Variants in TMPRSS15 observed in about 807,000 individuals in gnomAD.
TMPRSS15 encodes enteropeptidase.
In TMPRSS15, 128 loss-of-function variants were observed where a neutral mutation model predicts 125.3. That is an observed-to-expected ratio of 1.02 (90% CI 0.89 to 1.18). The LOEUF (loss-of-function observed/expected upper bound fraction) is 1.18. Ranked by LOEUF, TMPRSS15 falls within the 50% of genes most tolerant of loss-of-function variation. The pLI is 0.00. For missense variants in TMPRSS15, 1,283 were observed against 1,212.7 expected (o/e 1.06, Z -0.86); for synonymous variants, 446 against 423.2 (o/e 1.05, Z -0.66).
At chr21:18,428,864 G>A (rs1449525392) in intron 1 of TMPRSS15, among the ~76,000 whole-genome samples, 1 of 152,188 alleles carries the variant, frequency 6.6e-6, no homozygotes, top group Non-Finnish European at 1.5e-5. Flanking sequence ...TAGTGGAGCT[G>A]TGAGAAGAGA....
intron 1 of TMPRSS15, among the ~76,000 whole-genome samples, chr21:18,438,127 C>T (rs1373507730): frequency 4.0e-5 from 6 of 150,524 alleles, no homozygotes; most frequent in Non-Finnish European, 8.9e-5. Flanking sequence ...ACATATACAC[C>T]ATGGAATACT....
At chr21:18,431,527 A>T (rs2076216471) in intron 1 of TMPRSS15, among the ~76,000 whole-genome samples, 1 of 152,118 alleles carries the variant, frequency 6.6e-6, no homozygotes, top group Admixed American at 6.6e-5. Flanking sequence ...AAATATGTTG[A>T]TTCAAACAAT....
chr21:18,314,493 G>C lies in TMPRSS15; in HGVS notation c.2032+653C>G, dbSNP rs543435550. On this transcript the variant is annotated intron_variant, in intron 17 of 24. Transcript: ENST00000284885. ...GGGTTTCACCATGTTGGTCAGGCTG[G>C]TCATGAACTCCTGACCTCAGATGAT... is the stretch of plus-strand genomic sequence containing the variant. Among the ~76,000 whole-genome samples, 43 of 152,214 alleles carry C rather than the reference G, an allele frequency of 2.8e-4. No individual in the cohort carries two copies. The South Asian group carries it at 3.7e-3, about 13-fold the overall frequency.
intron 13 of TMPRSS15, among the ~76,000 whole-genome samples, chr21:18,339,011 T>A (rs2075421534): frequency 6.6e-6 from 1 of 152,122 alleles, no homozygotes; most frequent in Non-Finnish European, 1.5e-5. Flanking sequence ...TTTTTTTTTC[T>A]CCAAAGTCCT....
chr21:18,412,693 A>C (rs2076169031), intron 1 of TMPRSS15, among the ~76,000 whole-genome samples: 1 of 152,194 alleles, frequency 6.6e-6, no homozygotes, highest in Non-Finnish European at 1.5e-5. Context: ...TGTACCTAGA[A>C]TTATGTGTTT....
chr21:18,364,750 A>T (rs1427129296), intron 7 of TMPRSS15, among the ~76,000 whole-genome samples: 1 of 152,182 alleles, frequency 6.6e-6, no homozygotes, highest in Non-Finnish European at 1.5e-5. Flanking sequence ...ACCTTTAGAG[A>T]TTTCCACATG....
At chr21:18,338,343 T>C (rs1410146480) in intron 13 of TMPRSS15, among the ~76,000 whole-genome samples, 1 of 152,134 alleles carries the variant, frequency 6.6e-6, no homozygotes, top group Non-Finnish European at 1.5e-5. Flanking sequence ...AAAAGAATTA[T>C]CAAGAAAATC....
chr21:18,372,585 A>C (rs1326908931), intron 5 of TMPRSS15, among the ~76,000 whole-genome samples: 1 of 152,224 alleles, frequency 6.6e-6, no homozygotes, highest in Non-Finnish European at 1.5e-5. Flanking sequence ...TAAGCTTATT[A>C]TTTGAAAATA....
chr21:18,387,300 C>T (rs1324752030), intron 3 of TMPRSS15, among the ~76,000 whole-genome samples: 1 of 151,996 alleles, frequency 6.6e-6, no homozygotes, highest in East Asian at 1.9e-4. Flanking sequence ...CAGAGAAATC[C>T]TACTATGGTA....
chr21:18,481,182 C>CTAT lies in TMPRSS15; in HGVS notation c.10+4614_10+4616dup, dbSNP rs34479735. ...ACTTCGTTTCCCAATTTATAAAGTACTATTCCTAAGAGTCCCTCCCTTATT... is the reference window on the plus strand; with the variant it reads ...ACTTCGTTTCCCAATTTATAAAGTACTATTATTCCTAAGAGTCCCTCCCTTATT... On this transcript the variant is annotated intron_variant, in intron 1 of 7. Transcript: ENST00000422787. Among the ~76,000 whole-genome samples the CTAT allele has an allele frequency of 7.0e-3, 1,066 of 151,916 alleles. 6 individuals carry two copies. Among genetic ancestry groups the CTAT allele is most frequent in the Non-Finnish European group, 0.012 (822 of 67,828 alleles).
intron 1 of TMPRSS15, among the ~76,000 whole-genome samples, chr21:18,402,275 T>TA (rs1330227790): frequency 6.6e-6 from 1 of 152,146 alleles, no homozygotes; most frequent in Non-Finnish European, 1.5e-5. Flanking sequence ...CTCATGCCTG[T>TA]AATCCCAGCA....
chr21:18,316,817 G>T (rs772783010), intron 16 of TMPRSS15, among the ~76,000 whole-genome samples: 1 of 152,110 alleles, frequency 6.6e-6, no homozygotes, highest in South Asian at 2.1e-4. Flanking sequence ...GGAGAGAGGG[G>T]TTTGCTTCCC....
chr21:18,313,377 T>C (rs1229014112), intron 17 of TMPRSS15, among the ~76,000 whole-genome samples: 1 of 151,556 alleles, frequency 6.6e-6, no homozygotes, highest in Non-Finnish European at 1.5e-5. Flanking sequence ...TTTTTAAATA[T>C]GTATATACAC....
chr21:18,451,500 C>T (rs563308981), intron 1 of TMPRSS15, among the ~76,000 whole-genome samples: 1 of 152,086 alleles, frequency 6.6e-6, no homozygotes, highest in Non-Finnish European at 1.5e-5. Context: ...ATTTACTTCT[C>T]AGGAGGGATA....
At chr21:18,325,154 A>G (rs761212484) in intron 16 of TMPRSS15, among the ~76,000 whole-genome samples, 1 of 152,106 alleles carries the variant, frequency 6.6e-6, no homozygotes, top group Admixed American at 6.5e-5. Context: ...TTACCTAACA[A>G]AATCATGTCA....
At chr21:18,279,515 T>A (rs112711803) in intron 22 of TMPRSS15, among the ~76,000 whole-genome samples, 2 of 149,766 alleles carry the variant, frequency 1.3e-5, no homozygotes, top group African/African-American at 4.9e-5. Context: ...TTTTTTTTTT[T>A]AGTAGAGATG....
chr21:18,365,347 G>A, intron 6 of TMPRSS15, 99 bp from the exon 7 acceptor site: 2 of 952,232 alleles, frequency 2.1e-6, no homozygotes, highest in East Asian at 2.5e-5. Context: ...ACCTGTACAA[G>A]GTTATTTTAT....
intron 1 of TMPRSS15, among the ~76,000 whole-genome samples, chr21:18,473,466 T>TGAAC (rs1978818427): frequency 6.6e-6 from 1 of 152,098 alleles, no homozygotes; most frequent in Admixed American, 6.6e-5. Context: ...AATATATGAA[T>TGAAC]GAACAGGCAA....
chr21:18,446,601 T>C (rs2076256250), intron 1 of TMPRSS15, among the ~76,000 whole-genome samples: 1 of 151,852 alleles, frequency 6.6e-6, no homozygotes. Context: ...TAAAAACAGA[T>C]ACATAGATCA....
Sources: allele counts gnomAD v4.1 joint callset (sites outside exome capture counted in the v4.1 genomes callset), GRCh38; gene constraint gnomAD v4.1.1; transcripts MANE v1.5; gene names NCBI Gene and HGNC (gene_info 2026-07-23, HGNC 2026-07-21).